Variants in ALK observed in about 807,000 individuals in gnomAD.
ALK encodes ALK receptor tyrosine kinase, also known as ALK tyrosine kinase receptor.
In ALK, 74 loss-of-function variants were observed where a neutral mutation model predicts 163.1. The observed-to-expected ratio is 0.45, with a 90% CI of 0.38 to 0.55. The LOEUF (loss-of-function observed/expected upper bound fraction) is 0.55. Among genes scored for constraint, ALK ranks in the 20% least tolerant of loss-of-function variants. The pLI, the probability that ALK is intolerant of heterozygous loss-of-function variation, is 0.00. For missense variants in ALK, 2,063 were observed against 2,105.3 expected, an observed-to-expected ratio of 0.98 and a Z score of 0.39; for synonymous variants, 960 against 843.2, an observed-to-expected ratio of 1.14 and a Z score of -2.40.
chr2:29,579,439 C>T (rs1271118291), intron 3 of ALK, among the ~76,000 whole-genome samples: 3 of 152,172 alleles, frequency 2.0e-5, no homozygotes, highest in African/African-American at 7.2e-5. Flanking sequence ...ATTTGAACTT[C>T]AACAAAATGA....
intron 2 of ALK, among the ~76,000 whole-genome samples, chr2:29,698,636 C>G (rs1161615346): frequency 2.0e-5 from 3 of 152,194 alleles, no homozygotes; most frequent in Non-Finnish European, 2.9e-5. Flanking sequence ...AACAGACAGA[C>G]AGTGCAATAT....
At chr2:29,305,519 C>T (rs1422316365) in intron 8 of ALK, among the ~76,000 whole-genome samples, 1 of 152,204 alleles carries the variant, frequency 6.6e-6, no homozygotes, top group Non-Finnish European at 1.5e-5. Flanking sequence ...GAGCAGACTG[C>T]AGGCTCAAGT....
At chr2:29,493,302 C>T (rs1671946880) in intron 4 of ALK, among the ~76,000 whole-genome samples, 1 of 152,174 alleles carries the variant, frequency 6.6e-6, no homozygotes, top group Admixed American at 6.5e-5. Context: ...TCTCCAGTTG[C>T]CTTAATTACT....
chr2:29,206,039 C>CAG (rs1447589482), intron 26 of ALK, among the ~76,000 whole-genome samples: 1 of 152,146 alleles, frequency 6.6e-6, no homozygotes, highest in South Asian at 2.1e-4. Context: ...TCAGTCTCTT[C>CAG]AGAGAGAGAG....
At chr2:29,654,048 ACT>A (rs1677109217) in intron 3 of ALK, among the ~76,000 whole-genome samples, 1 of 152,088 alleles carries the variant, frequency 6.6e-6, no homozygotes, top group Non-Finnish European at 1.5e-5. Flanking sequence ...ACAGAGCAAG[ACT>A]CTGTTGCAGT....
chr2:29,739,004 A>T lies in ALK; in HGVS notation c.668-21307T>A, dbSNP rs536425827. The stretch of plus-strand genomic sequence containing the variant: ...GTAATCCCAGTGCTTTGGGAAGCCA[A>T]GGTAGGAGGATCACTTGAGACCAGG... On this transcript the variant is annotated intron_variant, in intron 1 of 28. Coordinates refer to ENST00000389048, the MANE Select transcript of ALK (RefSeq NM_004304.5). Among the ~76,000 whole-genome samples, 3 of 152,026 alleles carry T rather than the reference A, an allele frequency of 2.0e-5. No homozygotes were observed. In the East Asian group the frequency reaches 5.8e-4, roughly 29 times the overall value.
intron 15 of ALK, among the ~76,000 whole-genome samples, chr2:29,229,824 C>T (rs973943578): frequency 2.6e-5 from 4 of 152,188 alleles, no homozygotes; most frequent in Non-Finnish European, 5.9e-5. Context: ...CAGGGCCAGG[C>T]GCTCAGGAAC....
At chr2:29,731,560 G>C (rs952504540) in intron 1 of ALK, among the ~76,000 whole-genome samples, 5 of 152,178 alleles carry the variant, frequency 3.3e-5, no homozygotes, top group Non-Finnish European at 7.3e-5. Context: ...TGAGCTGCTG[G>C]CAACAGGTAT....
chr2:29,562,362 C>A (rs1274563100), intron 3 of ALK, among the ~76,000 whole-genome samples: 2 of 151,942 alleles, frequency 1.3e-5, no homozygotes, highest in Non-Finnish European at 2.9e-5. Flanking sequence ...CAGGACTTCT[C>A]TACTCTTTTC....
chr2:29,751,221 G>A (rs146657302), intron 1 of ALK, among the ~76,000 whole-genome samples: 106 of 152,312 alleles, frequency 7.0e-4, no homozygotes, highest in Non-Finnish European at 1.1e-3. Context: ...GTAAGGAGTG[G>A]TGAGTGAGGG....
At chr2:29,423,560 G>A (rs1239133822) in intron 4 of ALK, among the ~76,000 whole-genome samples, 1 of 152,228 alleles carries the variant, frequency 6.6e-6, no homozygotes. Context: ...GCTTCTTCGT[G>A]ACCAAGCTGG....
intron 1 of ALK, among the ~76,000 whole-genome samples, chr2:29,785,025 A>C (rs1663972973): frequency 6.6e-6 from 1 of 152,212 alleles, no homozygotes; most frequent in South Asian, 2.1e-4. Context: ...ACTGACAAGA[A>C]GTATCCCTTT....
intron 1 of ALK, among the ~76,000 whole-genome samples, chr2:29,866,654 G>A (rs1233289136): frequency 6.6e-6 from 1 of 152,216 alleles, no homozygotes; most frequent in Non-Finnish European, 1.5e-5. Context: ...CCAGAGACTG[G>A]CAGTGACTGA....
At chr2:29,554,712 A>G (rs4610002) in intron 3 of ALK, among the ~76,000 whole-genome samples, 25,699 of 152,118 alleles carry the variant, frequency 0.17, 2,510 homozygotes, top group East Asian at 0.28. Context: ...TCTGGGTAAA[A>G]TGAGGCTGAG....
At chr2:29,201,481 ACT>A in intron 26 of ALK, among the ~76,000 whole-genome samples, 1 of 152,008 alleles carries the variant, frequency 6.6e-6, no homozygotes, top group East Asian at 1.9e-4. Flanking sequence ...AGTCCTGTTA[ACT>A]CTACATTCAA....
intron 4 of ALK, among the ~76,000 whole-genome samples, chr2:29,494,437 G>C (rs564452085): frequency 2.0e-5 from 3 of 152,224 alleles, no homozygotes; most frequent in African/African-American, 7.2e-5. Context: ...GGCCCACTCA[G>C]TTTGGGGCTC....
chr2:29,693,791 G>T (rs1678472408), intron 3 of ALK, among the ~76,000 whole-genome samples: 1 of 152,160 alleles, frequency 6.6e-6, no homozygotes, highest in African/African-American at 2.4e-5. Context: ...ATGATGTGGT[G>T]GAAAGTGCCC....
chr2:29,871,010 G>A (rs977572563), intron 1 of ALK, among the ~76,000 whole-genome samples: 6 of 152,168 alleles, frequency 3.9e-5, no homozygotes, highest in Admixed American at 1.3e-4. Flanking sequence ...ACTGTTTTAC[G>A]CATCAGCCCT....
intron 1 of ALK, among the ~76,000 whole-genome samples, chr2:29,835,014 T>A (rs1043773365): frequency 2.7e-4 from 41 of 152,210 alleles, no homozygotes; most frequent in African/African-American, 9.4e-4. Context: ...CCTTGCAATC[T>A]AAGCCAAATA....
Sources: allele counts gnomAD v4.1 joint callset (sites outside exome capture counted in the v4.1 genomes callset), GRCh38; gene constraint gnomAD v4.1.1; transcripts MANE v1.5; gene names NCBI Gene and HGNC (gene_info 2026-07-23, HGNC 2026-07-21).